The following LRBA variants were observed in gnomAD, a reference collection of about 807,000 sequenced individuals.
LRBA encodes LPS responsive beige-like anchor protein, also known as lipopolysaccharide-responsive and beige-like anchor protein.
In LRBA, 176 loss-of-function variants were observed where a neutral mutation model predicts 330.0. The observed-to-expected ratio is 0.53, with a 90% CI of 0.47 to 0.60. The LOEUF (loss-of-function observed/expected upper bound fraction) is 0.60. Among genes scored for constraint, LRBA ranks in the 20% least tolerant of loss-of-function variants. The pLI, the probability that LRBA is intolerant of heterozygous loss-of-function variation, is 0.00. For missense variants in LRBA, 3,259 were observed against 3,444.8 expected (o/e 0.95, Z 1.35); for synonymous variants, 1,230 against 1,193.0 (o/e 1.03, Z -0.64).
intron 33 of LRBA, among the ~76,000 whole-genome samples, chr4:150,798,897 AT>A (rs1314516520): frequency 6.6e-6 from 1 of 152,140 alleles, no homozygotes; most frequent in African/African-American, 2.4e-5. Flanking sequence ...AAAAATTACA[AT>A]TTTTTTATTC....
rs1320055508 is a variant in LRBA, at chr4:150,490,848, T to TA, written c.6448+69dup. The TA allele has an allele frequency of 9.9e-6, 8 of 808,578 alleles. No homozygotes were observed. In the African/African-American group the frequency reaches 1.2e-4, roughly 12 times the overall value. The allele number at this position is 808,578 out of a possible 1,614,324, so 50.1% of individuals were successfully genotyped here. ...AACTATCTAAATTGAAGCAATATGG[T>TA]ATGTTCAAAAATGAAATCTTAAAGA... is the stretch of plus-strand genomic sequence containing the variant. On this transcript the variant is annotated intron_variant, in intron 41 of 56. Coordinates refer to ENST00000651943, the MANE Select transcript of LRBA (RefSeq NM_001364905.1).
chr4:150,887,233 T>C (rs1729035005), intron 17 of LRBA, among the ~76,000 whole-genome samples: 3 of 151,982 alleles, frequency 2.0e-5, no homozygotes, highest in Admixed American at 2.0e-4. Context: ...AAGAGATGGG[T>C]TCAATATCAA....
intron 40 of LRBA, among the ~76,000 whole-genome samples, chr4:150,559,884 A>T (rs1435592398): frequency 6.2e-5 from 1 of 16,038 alleles, no homozygotes; most frequent in Non-Finnish European, 1.5e-4. Flanking sequence ...ATTATATATA[A>T]TTATATATAA....
intron 36 of LRBA, among the ~76,000 whole-genome samples, chr4:150,696,093 G>A (rs1784592725): frequency 6.6e-6 from 1 of 152,080 alleles, no homozygotes. Context: ...AGCTGGGCAT[G>A]GTGGCATGCA....
At chr4:150,973,614 T>A (rs1444318532) in intron 2 of LRBA, among the ~76,000 whole-genome samples, 3 of 152,232 alleles carry the variant, frequency 2.0e-5, no homozygotes, top group Non-Finnish European at 2.9e-5. Flanking sequence ...TTCTAATAAC[T>A]GTGTGATTAC....
At chr4:150,950,399 C>T (rs1269287510) in intron 2 of LRBA, among the ~76,000 whole-genome samples, 1 of 152,136 alleles carries the variant, frequency 6.6e-6, no homozygotes, top group Non-Finnish European at 1.5e-5. Context: ...CTTAATACTT[C>T]AGTACCCCAA....
At chr4:150,627,369 A>C (rs898102741) in intron 37 of LRBA, among the ~76,000 whole-genome samples, 2 of 152,088 alleles carry the variant, frequency 1.3e-5, no homozygotes, top group Non-Finnish European at 2.9e-5. Context: ...AATGACATAT[A>C]ACAAGGCTTA....
intron 47 of LRBA, among the ~76,000 whole-genome samples, chr4:150,399,663 T>C (rs1561121263): frequency 6.6e-6 from 1 of 152,082 alleles, no homozygotes. Context: ...GAGGGAATGT[T>C]GAAGAGTGGA....
chr4:150,573,525 T>C (rs1225635814), intron 40 of LRBA, among the ~76,000 whole-genome samples: 1 of 152,166 alleles, frequency 6.6e-6, no homozygotes, highest in African/African-American at 2.4e-5. Context: ...CTATATAATA[T>C]AGCAGATAGA....
chr4:150,827,140 C>T, intron 30 of LRBA, among the ~76,000 whole-genome samples: 1 of 152,094 alleles, frequency 6.6e-6, no homozygotes, highest in East Asian at 1.9e-4. Flanking sequence ...CAAGAACATC[C>T]AAACCACTAT....
In LRBA at chr4:150,900,236, G is replaced by A. The variant is rs1268539741; in HGVS notation, c.1756-19C>T. On this transcript the variant is annotated intron_variant, in intron 13 of 56. Coordinates refer to ENST00000651943, the MANE Select transcript of LRBA (RefSeq NM_001364905.1). ...GTTGAACCTACAGAATAAAAATGAA[G>A]AACTTAGAGAACCCCACCAGCATTT... The A allele has an allele frequency of 3.2e-6, 5 of 1,575,058 alleles. No individual in the cohort carries two copies. The highest frequency in any genetic ancestry group is 1.7e-5 in the Admixed American group (1 of 57,848).
At chr4:151,008,759 G>T (rs1744424118) in intron 2 of LRBA, among the ~76,000 whole-genome samples, 1 of 151,198 alleles carries the variant, frequency 6.6e-6, no homozygotes, top group Non-Finnish European at 1.5e-5. Flanking sequence ...CGGATCACGA[G>T]GTCAGGAGTT....
At chr4:150,384,141 C>T (rs1742711879) in intron 47 of LRBA, among the ~76,000 whole-genome samples, 1 of 151,956 alleles carries the variant, frequency 6.6e-6, no homozygotes, top group Non-Finnish European at 1.5e-5. Context: ...CGGGTTCAAG[C>T]GATTCTCCTG....
intron 36 of LRBA, among the ~76,000 whole-genome samples, chr4:150,724,881 T>TAC (rs1011482500): frequency 2.0e-5 from 3 of 147,218 alleles, no homozygotes; most frequent in Non-Finnish European, 4.5e-5. Context: ...TGTATATATA[T>TAC]ACATATATAT....
intron 37 of LRBA, among the ~76,000 whole-genome samples, chr4:150,674,560 A>G (rs1382530143): frequency 6.6e-6 from 1 of 152,084 alleles, no homozygotes; most frequent in Non-Finnish European, 1.5e-5. Context: ...AATTGTAAAC[A>G]CTCAAAAATA....
intron 47 of LRBA, among the ~76,000 whole-genome samples, chr4:150,412,648 G>C (rs920663813): frequency 6.6e-6 from 1 of 151,926 alleles, no homozygotes; most frequent in Non-Finnish European, 1.5e-5. Flanking sequence ...CCTTTAAAGT[G>C]AAGTAAACAT....
intron 28 of LRBA, among the ~76,000 whole-genome samples, chr4:150,834,886 G>C (rs991148402): frequency 6.6e-6 from 1 of 152,040 alleles, no homozygotes; most frequent in African/African-American, 2.4e-5. Flanking sequence ...GCCCATGCCT[G>C]TGTCCTGAAT....
intron 2 of LRBA, among the ~76,000 whole-genome samples, chr4:150,955,433 A>ACCTTTGATATAGTATATATAT (rs1230297401): frequency 3.3e-4 from 49 of 149,232 alleles, no homozygotes; most frequent in Non-Finnish European, 2.1e-4. Flanking sequence ...TACTAAATCA[A>ACCTTTGATATAGTATATATAT]CAATATAACC....
chr4:150,531,414 G>A (rs1023508570), intron 40 of LRBA, among the ~76,000 whole-genome samples: 1 of 151,976 alleles, frequency 6.6e-6, no homozygotes, highest in African/African-American at 2.4e-5. Context: ...AGTCCTCATG[G>A]CTTCTTCCCT....
Sources: allele counts gnomAD v4.1 joint callset (sites outside exome capture counted in the v4.1 genomes callset), GRCh38; gene constraint gnomAD v4.1.1; transcripts MANE v1.5; gene names NCBI Gene and HGNC (gene_info 2026-07-23, HGNC 2026-07-21).